The following FGF14 variants were observed in gnomAD, a reference collection of about 807,000 sequenced individuals.
FGF14 encodes fibroblast growth factor homologous factor 4.
Under a neutral mutation model 25.5 loss-of-function variants are expected in FGF14, and 5 were observed. That is an observed-to-expected ratio of 0.20 (90% confidence interval 0.10 to 0.41). FGF14 has a LOEUF of 0.41. Among genes scored for constraint, FGF14 ranks in the 10% least tolerant of loss-of-function variants. The pLI is 1.00. For missense variants in FGF14, 222 were observed against 320.1 expected (o/e 0.69, Z 2.34); for synonymous variants, 138 against 118.3 (o/e 1.17, Z -1.08).
At chr13:101,878,020 T>C (rs185377152) in intron 1 of FGF14, among the ~76,000 whole-genome samples, 1 of 152,316 alleles carries the variant, frequency 6.6e-6, no homozygotes, top group East Asian at 1.9e-4. Flanking sequence ...AAATCCTTCA[T>C]GTCTGGAAAT....
chr13:102,153,216 A>G (rs2047166972), intron 1 of FGF14, among the ~76,000 whole-genome samples: 1 of 152,254 alleles, frequency 6.6e-6, no homozygotes, highest in Admixed American at 6.5e-5. Context: ...AACTGCCAAG[A>G]TTAGCTGCTG....
chr13:102,134,461 A>G (rs1353541281), intron 1 of FGF14, among the ~76,000 whole-genome samples: 1 of 152,240 alleles, frequency 6.6e-6, no homozygotes. Context: ...CATGTATGTT[A>G]TACCTCCACG....
rs771041352 is a variant in FGF14, at chr13:101,740,396, G to A, written c.409-13586C>T. On this transcript the variant is annotated intron_variant, in intron 3 of 4. Transcript: ENST00000376143. ...TAAAAGAGAGCCAATTTGGATATAAGAATTCTGGTTTGTCCATTATAGTAC... is the reference window on the plus strand; with the variant it reads ...TAAAAGAGAGCCAATTTGGATATAAAAATTCTGGTTTGTCCATTATAGTAC... Among the ~76,000 whole-genome samples, 3 of 152,192 alleles carry A rather than the reference G, an allele frequency of 2.0e-5. No individual in the cohort carries two copies. The South Asian group carries it at 6.2e-4, about 32-fold the overall frequency.
chr13:102,180,674 G>C (rs544663981), intron 1 of FGF14, among the ~76,000 whole-genome samples: 1 of 152,126 alleles, frequency 6.6e-6, no homozygotes, highest in East Asian at 1.9e-4. Context: ...TTTCCTAAGC[G>C]AGAAGCCTAG....
chr13:101,785,478 G>A (rs1336488613), intron 3 of FGF14, among the ~76,000 whole-genome samples: 1 of 151,758 alleles, frequency 6.6e-6, no homozygotes, highest in Non-Finnish European at 1.5e-5. Context: ...TATTATCTAA[G>A]AGCTGGGCAA....
At chr13:101,930,453 T>C (rs1038950885) in intron 1 of FGF14, among the ~76,000 whole-genome samples, 2 of 152,220 alleles carry the variant, frequency 1.3e-5, no homozygotes. Flanking sequence ...TAATACTGTA[T>C]TGATAAACAC....
Position 101,786,315 on chromosome 13 carries a change from G to C in FGF14, c.409-59505C>G, listed in dbSNP as rs2039821344. Among the ~76,000 whole-genome samples, 3 of 152,300 alleles carry C rather than the reference G, an allele frequency of 2.0e-5. No homozygotes were observed. In the South Asian group the frequency reaches 6.2e-4, roughly 32 times the overall value. On this transcript the variant is annotated intron_variant, in intron 3 of 4. Transcript: ENST00000376143. ...AGGGAAAGACTTAATTATTTGCTTA[G>C]AGATTTCTGATGATTCTTGATGATG...
chr13:102,392,888 T>G (rs1331974275), intron 1 of FGF14, among the ~76,000 whole-genome samples: 4 of 152,134 alleles, frequency 2.6e-5, no homozygotes, highest in Non-Finnish European at 5.9e-5. Context: ...CACGCTGTAG[T>G]CATAATGGTT....
chr13:102,358,045 A>T (rs1317648263), intron 1 of FGF14, among the ~76,000 whole-genome samples: 3 of 152,224 alleles, frequency 2.0e-5, no homozygotes, highest in Non-Finnish European at 4.4e-5. Flanking sequence ...ACCTCACATC[A>T]GGAAAATCTT....
chr13:102,030,138 A>G (rs1332475098), intron 1 of FGF14, among the ~76,000 whole-genome samples: 1 of 152,142 alleles, frequency 6.6e-6, no homozygotes, highest in Admixed American at 6.6e-5. Context: ...GAACCCCCAA[A>G]TTCCTACAAA....
intron 1 of FGF14, among the ~76,000 whole-genome samples, chr13:102,290,569 C>G (rs922708220): frequency 6.6e-6 from 1 of 152,144 alleles, no homozygotes; most frequent in African/African-American, 2.4e-5. Flanking sequence ...ATCTTTGGCT[C>G]TCTGGACCCG....
intron 1 of FGF14, among the ~76,000 whole-genome samples, chr13:102,336,200 T>C (rs1159265817): frequency 6.6e-6 from 1 of 152,150 alleles, no homozygotes; most frequent in Non-Finnish European, 1.5e-5. Flanking sequence ...TTGCACCAGT[T>C]TGCCAAGTGT....
chr13:102,288,270 C>T (rs1013928379), intron 1 of FGF14, among the ~76,000 whole-genome samples: 35 of 152,214 alleles, frequency 2.3e-4, no homozygotes, highest in African/African-American at 8.4e-4. Flanking sequence ...TAATGTGAGC[C>T]TTATTCTCAC....
chr13:102,011,639 G>C (rs1297539353), intron 1 of FGF14, among the ~76,000 whole-genome samples: 1 of 152,156 alleles, frequency 6.6e-6, no homozygotes, highest in African/African-American at 2.4e-5. Flanking sequence ...ACAAACCCAG[G>C]CAGGATCACT....
At chr13:102,182,219 C>T (rs772230621) in intron 1 of FGF14, among the ~76,000 whole-genome samples, 1 of 152,038 alleles carries the variant, frequency 6.6e-6, no homozygotes, top group Non-Finnish European at 1.5e-5. Context: ...ACATTCCCGG[C>T]CTTGAATATG....
At chr13:102,017,849 T>C (rs775568863) in intron 1 of FGF14, among the ~76,000 whole-genome samples, 5 of 152,150 alleles carry the variant, frequency 3.3e-5, no homozygotes, top group Non-Finnish European at 7.4e-5. Context: ...AATTCTTCAA[T>C]TTGATCTTCT....
intron 1 of FGF14, among the ~76,000 whole-genome samples, chr13:101,982,216 C>T (rs1411560953): frequency 6.7e-6 from 1 of 149,718 alleles, no homozygotes. Context: ...TGCTCCATCA[C>T]AGTTACAGAA....
upstream of FGF14, chr13:102,402,131 A>G (rs543225653): frequency 5.3e-4 from 87 of 162,804 alleles, no homozygotes; most frequent in South Asian, 1.3e-3. Context: ...ACACACCAAT[A>G]CCACCTCCGA....
At chr13:101,889,052 C>A (rs571878744) in intron 1 of FGF14, among the ~76,000 whole-genome samples, 1 of 152,090 alleles carries the variant, frequency 6.6e-6, no homozygotes, top group South Asian at 2.1e-4. Context: ...ACAGGTAGAC[C>A]CAGGGCGAAG....
Sources: allele counts gnomAD v4.1 joint callset (sites outside exome capture counted in the v4.1 genomes callset), GRCh38; gene constraint gnomAD v4.1.1; transcripts MANE v1.5; gene names NCBI Gene and HGNC (gene_info 2026-07-23, HGNC 2026-07-21).